The following AGMO variants were observed in gnomAD, a reference collection of about 807,000 sequenced individuals.
AGMO encodes glyceryl-ether monooxygenase.
A neutral mutation model predicts 60.2 loss-of-function variants in AGMO; 75 were observed. That is an observed-to-expected ratio of 1.25 (90% CI 1.03 to 1.51). AGMO has a LOEUF of 1.51. Ranked by LOEUF, AGMO falls within the 40% of genes most tolerant of loss-of-function variation. The pLI, the probability that AGMO is intolerant of heterozygous loss-of-function variation, is 0.00. For missense variants in AGMO, 763 were observed against 525.5 expected, an observed-to-expected ratio of 1.45 and a Z score of -4.42; for synonymous variants, 261 against 177.1, an observed-to-expected ratio of 1.47 and a Z score of -3.76.
intron 12 of AGMO, among the ~76,000 whole-genome samples, chr7:15,279,249 C>T (rs1202678550): frequency 6.6e-6 from 1 of 152,150 alleles, no homozygotes; most frequent in Non-Finnish European, 1.5e-5. Flanking sequence ...ATTAGGGGTC[C>T]TCTCTCAGCT....
intron 3 of AGMO, among the ~76,000 whole-genome samples, chr7:15,442,961 G>T (rs1484464068): frequency 6.6e-6 from 1 of 152,206 alleles, no homozygotes; most frequent in Non-Finnish European, 1.5e-5. Flanking sequence ...ATGATGTGGA[G>T]TTTGGCTAGG....
chr7:15,469,359 T>A (rs1045510495), intron 3 of AGMO, among the ~76,000 whole-genome samples: 4 of 152,128 alleles, frequency 2.6e-5, no homozygotes, highest in Non-Finnish European at 5.9e-5. Context: ...ATCTAAGACA[T>A]GTTTATATAA....
At chr7:15,491,702 C>A (rs1457109343) in intron 3 of AGMO, among the ~76,000 whole-genome samples, 1 of 152,150 alleles carries the variant, frequency 6.6e-6, no homozygotes, top group Non-Finnish European at 1.5e-5. Context: ...CCAGTTCATG[C>A]AAAATTCACT....
At chr7:15,482,854 C>T (rs909321207) in intron 3 of AGMO, among the ~76,000 whole-genome samples, 3 of 152,112 alleles carry the variant, frequency 2.0e-5, no homozygotes, top group Non-Finnish European at 4.4e-5. Flanking sequence ...TTCAATTAAT[C>T]ATATTTTTCA....
At chr7:15,377,931 C>CA (rs766551599) in intron 10 of AGMO, among the ~76,000 whole-genome samples, 1 of 151,916 alleles carries the variant, frequency 6.6e-6, no homozygotes, top group Non-Finnish European at 1.5e-5. Context: ...AGCTTTGGTC[C>CA]AAAAAGAAAT....
chr7:15,560,334 C>A, intron 1 of AGMO, 63 bp from the exon 2 acceptor site: 2 of 1,543,644 alleles, frequency 1.3e-6, no homozygotes, highest in East Asian at 2.3e-5. Flanking sequence ...TTTACATTTC[C>A]TGATTAGTCA....
intron 5 of AGMO, chr7:15,395,951 G>C (rs1040696562): frequency 3.3e-5 from 5 of 152,166 alleles, no homozygotes; most frequent in Non-Finnish European, 5.9e-5. Flanking sequence ...TGAAATGGAA[G>C]CTGTGGCAAT....
At chr7:15,556,842 A>G (rs559585677) in intron 2 of AGMO, among the ~76,000 whole-genome samples, 1 of 152,054 alleles carries the variant, frequency 6.6e-6, no homozygotes, top group Admixed American at 6.6e-5. Context: ...GAATACATAG[A>G]CATATATTTT....
At chr7:15,231,403 T>A (rs1056139014) in intron 12 of AGMO, among the ~76,000 whole-genome samples, 4 of 152,160 alleles carry the variant, frequency 2.6e-5, no homozygotes, top group African/African-American at 9.7e-5. Flanking sequence ...GCCCCAACAT[T>A]CTCTCCCTAT....
chr7:15,543,650 G>A (rs1298638813), intron 3 of AGMO, among the ~76,000 whole-genome samples: 2 of 152,040 alleles, frequency 1.3e-5, no homozygotes, highest in South Asian at 4.2e-4. Flanking sequence ...GTTTGATATT[G>A]TGTACGTTTT....
intron 12 of AGMO, among the ~76,000 whole-genome samples, chr7:15,341,139 GT>G (rs1583428229): frequency 6.6e-6 from 1 of 152,236 alleles, no homozygotes; most frequent in East Asian, 1.9e-4. Context: ...CCTTGTCTTG[GT>G]GATTAACATT....
intron 12 of AGMO, among the ~76,000 whole-genome samples, chr7:15,346,617 T>TAAAAAA (rs11417689): frequency 6.9e-6 from 1 of 145,770 alleles, no homozygotes; most frequent in African/African-American, 2.5e-5. Flanking sequence ...TCTTAAAAAG[T>TAAAAAA]AAAAAAAAAA....
At chr7:15,322,481 T>A (rs1481881464) in intron 12 of AGMO, among the ~76,000 whole-genome samples, 19 of 94,712 alleles carry the variant, frequency 2.0e-4, no homozygotes, top group Middle Eastern at 6.1e-3. Flanking sequence ...TATAAATATA[T>A]ATATAAATAT....
At chr7:15,304,832 A>C (rs1174433255) in intron 12 of AGMO, among the ~76,000 whole-genome samples, 3 of 152,032 alleles carry the variant, frequency 2.0e-5, no homozygotes, top group African/African-American at 7.2e-5. Flanking sequence ...ATTCTCATGA[A>C]AATCTGAGGC....
At chr7:15,279,935 T>C (rs541355607) in intron 12 of AGMO, among the ~76,000 whole-genome samples, 1 of 152,292 alleles carries the variant, frequency 6.6e-6, no homozygotes, top group South Asian at 2.1e-4. Context: ...CGAGGGAAGT[T>C]ATTCCTGATC....
intron 10 of AGMO, among the ~76,000 whole-genome samples, chr7:15,370,548 G>A (rs571531180): frequency 2.0e-5 from 3 of 152,252 alleles, no homozygotes; most frequent in African/African-American, 7.2e-5. Context: ...AGCCTCACCA[G>A]CATCTATTGT....
chr7:15,509,654 C>A (rs1232881311), intron 3 of AGMO, among the ~76,000 whole-genome samples: 1 of 152,026 alleles, frequency 6.6e-6, no homozygotes, highest in Non-Finnish European at 1.5e-5. Flanking sequence ...AGATTCAAAG[C>A]AAATCATCTA....
chr7:15,499,306 T>C (rs182158872), intron 3 of AGMO, among the ~76,000 whole-genome samples: 20 of 152,034 alleles, frequency 1.3e-4, no homozygotes, highest in Non-Finnish European at 1.9e-4. Context: ...GTCACTCACC[T>C]TTTGTGTGCC....
At chr7:15,474,606 C>G (rs1782543380) in intron 3 of AGMO, among the ~76,000 whole-genome samples, 1 of 151,984 alleles carries the variant, frequency 6.6e-6, no homozygotes, top group African/African-American at 2.4e-5. Flanking sequence ...AGAATAAAAC[C>G]TAGGCAACAC....
Sources: allele counts gnomAD v4.1 joint callset (sites outside exome capture counted in the v4.1 genomes callset), GRCh38; gene constraint gnomAD v4.1.1; transcripts MANE v1.5; gene names NCBI Gene and HGNC (gene_info 2026-07-23, HGNC 2026-07-21).